Variants in DNAJC17 observed in about 807,000 individuals in gnomAD.
DNAJC17 encodes dnaJ homolog subfamily C member 17.
In DNAJC17, 35 loss-of-function variants were observed where a neutral mutation model predicts 48.1. That is an observed-to-expected ratio of 0.73 (90% confidence interval 0.56 to 0.96). The LOEUF (loss-of-function observed/expected upper bound fraction) is 0.96, where lower values mean the gene tolerates loss of function less well. DNAJC17 is among the 50% of genes least tolerant of loss of function. The pLI is 0.00. For synonymous variants in DNAJC17, 117 were observed against 142.7 expected (o/e 0.82, Z 1.28); for missense variants, 355 against 377.1 (o/e 0.94, Z 0.48).
At chr15:40,801,819 TAGCA>T (rs1162593183) in intron 1 of DNAJC17, among the ~76,000 whole-genome samples, 2 of 150,990 alleles carry the variant, frequency 1.3e-5, no homozygotes, top group Non-Finnish European at 2.9e-5. Flanking sequence ...TTTCAGGGAG[TAGCA>T]AGATCATTCC....
At chr15:40,779,394 C>A in intron 3 of DNAJC17, 84 bp from the exon 4 acceptor site, 2 of 1,566,960 alleles carry the variant, frequency 1.3e-6, no homozygotes, top group Non-Finnish European at 1.8e-6. Context: ...CCCTAGCCCA[C>A]GAGCCATCAG....
chr15:40,767,974 A>C lies in DNAJC17; in HGVS notation c.881T>G (p.Met294Arg). 2 of 1,611,946 alleles carry C rather than the reference A, an allele frequency of 1.2e-6. No individual in the cohort carries two copies. Among genetic ancestry groups the C allele is most frequent in the Non-Finnish European group, 1.7e-6 (2 of 1,179,436 alleles). Residue 294 changes from methionine (M) to arginine (R), a missense_variant, in exon 11 of 11, where the codon ATG (methionine) becomes AGG (arginine). By Grantham distance (91) the Met-to-Arg change is moderately conservative. Transcript: ENST00000220496. ...CGGCCCCTCCTGGTCTTCCTGCTGC[A>C]TCCGTGCGATCAGCTGTTGCCGCTC... is the stretch of plus-strand genomic sequence containing the variant. Reference protein sequence around the residue: ...AAERQQLIARMQQEDQEGPPT With the variant: ...AAERQQLIARRQQEDQEGPPT
rs779904973 is a variant in DNAJC17, at chr15:40,768,100, A to G, written c.793-38T>C. ...GCAGGGACAGGGAGGGGTCAGGGAC[A>G]GCAGGGCACAGCCTCACAGACTCCG... On this transcript the variant is annotated intron_variant, in intron 10 of 10. Transcript: ENST00000220496. 2.7e-6 allele frequency: 4 copies of G among 1,505,620 alleles called. No homozygotes were observed. In the African/African-American group the frequency reaches 5.7e-5, roughly 21 times the overall value. 93.3% of individuals were successfully genotyped at this position (1,505,620 alleles called of 1,614,324 possible).
intron 1 of DNAJC17, among the ~76,000 whole-genome samples, chr15:40,784,802 T>C (rs1243771574): frequency 6.6e-6 from 1 of 151,932 alleles, no homozygotes; most frequent in Admixed American, 6.6e-5. Context: ...TACAAAAATA[T>C]AAAAATATCT....
At chr15:40,801,025 T>C (rs183450205) in intron 1 of DNAJC17, among the ~76,000 whole-genome samples, 13 of 152,302 alleles carry the variant, frequency 8.5e-5, no homozygotes, top group Admixed American at 7.2e-4. Context: ...TCCTTCATTT[T>C]ACATTTGGGG....
At chr15:40,789,916 A>AAAG in intron 1 of DNAJC17, among the ~76,000 whole-genome samples, 1 of 149,184 alleles carries the variant, frequency 6.7e-6, no homozygotes, top group Non-Finnish European at 1.5e-5. Flanking sequence ...AAAAAAAAAA[A>AAAG]AAAAAAAAAA....
In DNAJC17 at chr15:40,767,931, G is replaced by A. The variant is rs1387966125; in HGVS notation, c.*9C>T. 6 of 1,612,112 alleles carry A rather than the reference G, an allele frequency of 3.7e-6. No individual in the cohort carries two copies. Among genetic ancestry groups the A allele is most frequent in the Non-Finnish European group, 5.1e-6 (6 of 1,179,454 alleles). On this transcript the variant is annotated 3_prime_UTR_variant, in exon 11 of 11. Coordinates refer to ENST00000220496, the MANE Select transcript of DNAJC17 (RefSeq NM_018163.3). ...AAAAGGGCTGAGGGGTGGATGGCTG[G>A]AGCTGGGGCTACGTAGGCGGCCCCT...
chr15:40,776,313 G>T, intron 5 of DNAJC17, 21 bp from the exon 6 acceptor site: 1 of 1,610,740 alleles, frequency 6.2e-7, no homozygotes, highest in Non-Finnish European at 8.5e-7. Context: ...GGGGGTGGGG[G>T]TGACAATTCT....
At chr15:40,768,804 C>T (rs1030427364) in intron 10 of DNAJC17, among the ~76,000 whole-genome samples, 2 of 152,248 alleles carry the variant, frequency 1.3e-5, no homozygotes, top group Non-Finnish European at 2.9e-5. Flanking sequence ...TTTCCTCCCT[C>T]GGTGCCGCTT....
chr15:40,771,311 G>A (rs1181360677), intron 10 of DNAJC17: 1 of 444,466 alleles, frequency 2.2e-6, no homozygotes, highest in Non-Finnish European at 4.1e-6. Context: ...GCCGGGAAAG[G>A]GAGGCTGTGC....
intron 6 of DNAJC17, 58 bp from the exon 7 acceptor site, chr15:40,775,654 A>G (rs1889299057): frequency 1.1e-5 from 17 of 1,555,684 alleles, no homozygotes; most frequent in Non-Finnish European, 1.4e-5. Context: ...GATTCTCCCA[A>G]AGGAAATGCA....
At chr15:40,792,371 T>C in intron 1 of DNAJC17, 1 of 794,922 alleles carries the variant, frequency 1.3e-6, no homozygotes, top group Non-Finnish European at 1.5e-6. Context: ...CTGGTAGTTT[T>C]CCTGATAAAT....
intron 1 of DNAJC17, among the ~76,000 whole-genome samples, chr15:40,789,738 C>T (rs1191211571): frequency 1.3e-5 from 2 of 151,418 alleles, no homozygotes; most frequent in Non-Finnish European, 2.9e-5. Context: ...TCTGTCTTCC[C>T]TTAATGCATT....
intron 1 of DNAJC17, among the ~76,000 whole-genome samples, chr15:40,797,923 T>G (rs1309131539): frequency 6.6e-6 from 1 of 151,646 alleles, no homozygotes; most frequent in African/African-American, 2.4e-5. Flanking sequence ...GGTTTCATCA[T>G]GTTGGCAAGG....
chr15:40,768,196 C>T, intron 10 of DNAJC17, 134 bp from the exon 11 acceptor site: 1 of 1,235,922 alleles, frequency 8.1e-7, no homozygotes, highest in Non-Finnish European at 1.1e-6. Flanking sequence ...GGAAGGAACC[C>T]GGAGCATCCT....
Position 40,773,845 on chromosome 15 carries a change from A to C in DNAJC17, c.682-8T>G, listed in dbSNP as rs1335408696. 6.2e-7 allele frequency: 1 copy of C among 1,612,216 alleles called. No homozygotes were observed. The highest frequency in any genetic ancestry group is 1.1e-5 in the South Asian group (1 of 90,836). ...ATTCTGGACAGCCAGCTCCTGCCAAACACAGCATCTAGTCCTGTCCCATCC... is the reference window on the plus strand; with the variant it reads ...ATTCTGGACAGCCAGCTCCTGCCAACCACAGCATCTAGTCCTGTCCCATCC... On this transcript the variant is annotated splice_polypyrimidine_tract_variant and splice_region_variant and intron_variant, in intron 9 of 10. Transcript: ENST00000220496.
chr15:40,807,346 GC>G, intron 1 of DNAJC17, 22 bp downstream of exon 1: 2 of 1,614,282 alleles, frequency 1.2e-6, no homozygotes, highest in Non-Finnish European at 1.7e-6. Flanking sequence ...CTCAAGATCA[GC>G]CTTCCTCGCC....
intron 1 of DNAJC17, among the ~76,000 whole-genome samples, chr15:40,803,168 A>C (rs1890117002): frequency 2.0e-5 from 3 of 149,126 alleles, no homozygotes; most frequent in Admixed American, 2.0e-4. Flanking sequence ...AAAAAAAATC[A>C]CGCATGATTT....
At chr15:40,771,092 G>C in intron 10 of DNAJC17, 2 of 1,421,134 alleles carry the variant, frequency 1.4e-6, no homozygotes, top group Non-Finnish European at 1.9e-6. Context: ...GAAAGGACAG[G>C]GACAGGACTC....
Sources: allele counts gnomAD v4.1 joint callset (sites outside exome capture counted in the v4.1 genomes callset), GRCh38; gene constraint gnomAD v4.1.1; transcripts MANE v1.5; gene names NCBI Gene and HGNC (gene_info 2026-07-23, HGNC 2026-07-21).